Variants in CAMK4 observed in about 807,000 individuals in gnomAD.
CAMK4 encodes calcium/calmodulin-dependent protein kinase type IV.
In CAMK4, 22 loss-of-function variants were observed where a neutral mutation model predicts 44.9. That is an observed-to-expected ratio of 0.49 (90% CI 0.35 to 0.70). CAMK4 has a LOEUF of 0.70. CAMK4 is among the 30% of genes least tolerant of loss of function. The probability of loss-of-function intolerance (pLI) is 0.01; values close to 1 mark genes in which losing one functional copy is unlikely to be tolerated. For missense variants in CAMK4, 498 were observed against 586.8 expected, an observed-to-expected ratio of 0.85 and a Z score of 1.56; for synonymous variants, 218 against 215.4, an observed-to-expected ratio of 1.01 and a Z score of -0.11.
Position 111,385,488 on chromosome 5 carries a change from A to G in CAMK4, c.386+8546A>G, listed in dbSNP as rs114440063. On this transcript the variant is annotated intron_variant, in intron 4 of 10. Transcript: ENST00000282356. ...TAGTCTCAATTTTAAAAGCTGGGCT[A>G]GGTAGAAAGCAAGCAGGGACTAGAT... 6.0e-3 allele frequency among the ~76,000 whole-genome samples: 912 copies of G among 152,220 alleles called. 6 individuals carry two copies. Among genetic ancestry groups the G allele is most frequent in the Non-Finnish European group, 0.01 (695 of 68,002 alleles).
chr5:111,347,384 A>C (rs544045149), intron 2 of CAMK4, among the ~76,000 whole-genome samples: 2 of 152,188 alleles, frequency 1.3e-5, no homozygotes, highest in African/African-American at 4.8e-5. Flanking sequence ...ATAAGGAACC[A>C]AACATCTTGT....
intron 1 of CAMK4, among the ~76,000 whole-genome samples, chr5:111,284,027 T>C (rs1338980993): frequency 5.3e-5 from 8 of 152,216 alleles, no homozygotes; most frequent in Non-Finnish European, 2.9e-5. Flanking sequence ...ATTTTAAATA[T>C]GGTGAAACTT....
chr5:111,415,474 A>G (rs1312068544), intron 5 of CAMK4, among the ~76,000 whole-genome samples: 1 of 152,252 alleles, frequency 6.6e-6, no homozygotes, highest in Non-Finnish European at 1.5e-5. Flanking sequence ...AAAGGTGATC[A>G]TTATTGACTT....
At chr5:111,406,921 A>G (rs765078596) in intron 5 of CAMK4, among the ~76,000 whole-genome samples, 1 of 152,202 alleles carries the variant, frequency 6.6e-6, no homozygotes, top group Non-Finnish European at 1.5e-5. Flanking sequence ...TTGGATTATG[A>G]TCTTTAGAAG....
chr5:111,248,128 G>T (rs1749319620), intron 1 of CAMK4, among the ~76,000 whole-genome samples: 1 of 152,110 alleles, frequency 6.6e-6, no homozygotes, highest in Non-Finnish European at 1.5e-5. Flanking sequence ...TCTGTTGTTT[G>T]TGTTCTTAAA....
At chr5:111,238,808 CTTTT>C (rs57552178) in intron 1 of CAMK4, among the ~76,000 whole-genome samples, 1,919 of 45,818 alleles carry the variant, frequency 0.042, 36 homozygotes, top group Non-Finnish European at 0.061. Context: ...AGAGGCTCTT[CTTTT>C]TTTTTTTTTT....
chr5:111,440,317 TAAACA>T (rs1753780954), intron 5 of CAMK4, among the ~76,000 whole-genome samples: 1 of 152,194 alleles, frequency 6.6e-6, no homozygotes, highest in Non-Finnish European at 1.5e-5. Context: ...GAACTGAGCA[TAAACA>T]AAGTAACAGG....
In CAMK4 at chr5:111,484,012, C is replaced by G; in HGVS notation, c.982-14C>G. On this transcript the variant is annotated splice_polypyrimidine_tract_variant and intron_variant, in intron 10 of 10. Transcript: ENST00000282356. The surrounding 1 kb of genome is among the most constrained non-coding windows in gnomAD (Gnocchi z 5.3). ...AGCAGAGGTAACACTTGACACTCTT[C>G]TGTTTCCAATCAGGCAGCGGTGAAG... is the stretch of plus-strand genomic sequence containing the variant. 1 of 1,546,864 alleles carries G rather than the reference C, an allele frequency of 6.5e-7. No homozygotes were observed. The highest frequency in any genetic ancestry group is 8.7e-7 in the Non-Finnish European group (1 of 1,147,528).
intron 5 of CAMK4, among the ~76,000 whole-genome samples, chr5:111,436,580 C>A (rs1753655018): frequency 6.6e-6 from 1 of 152,202 alleles, no homozygotes; most frequent in South Asian, 2.1e-4. Flanking sequence ...CACACATAAA[C>A]CTCAACTGCA....
chr5:111,387,083 T>G (rs904481587), intron 4 of CAMK4, among the ~76,000 whole-genome samples: 5 of 152,214 alleles, frequency 3.3e-5, no homozygotes, highest in African/African-American at 1.2e-4. Context: ...GCTTCCTTAT[T>G]ATTTTTCAAA....
chr5:111,494,801 C>A lies in CAMK4; in HGVS notation c.*10335C>A, dbSNP rs1580833189. On this transcript the variant is annotated 3_prime_UTR_variant, in exon 11 of 11. Transcript: ENST00000282356. Reference sequence around the variant, plus strand: ...TCAGACAGACATGTCAGAACATGCCCAAAGAAGCCTATATCTTGCTGCTGG... The same window carrying A: ...TCAGACAGACATGTCAGAACATGCCAAAAGAAGCCTATATCTTGCTGCTGG... 1 of 152,012 alleles carries A rather than the reference C, an allele frequency of 6.6e-6. No individual in the cohort carries two copies. Among genetic ancestry groups the A allele is most frequent in the Non-Finnish European group, 1.5e-5 (1 of 68,010 alleles). 9.4% of individuals were successfully genotyped at this position (152,012 alleles called of 1,614,324 possible).
intron 1 of CAMK4, among the ~76,000 whole-genome samples, chr5:111,301,750 C>T (rs1401648391): frequency 6.6e-6 from 1 of 152,180 alleles, no homozygotes; most frequent in Non-Finnish European, 1.5e-5. Flanking sequence ...TTTGACTGGA[C>T]TCCACAACTT....
rs1580695226 is a variant in CAMK4 at position 111,394,582 on chromosome 5, T to C, written c.387-128T>C. On this transcript the variant is annotated intron_variant, in intron 4 of 10. Coordinates refer to ENST00000282356, the MANE Select transcript of CAMK4 (RefSeq NM_001744.6). ...TGTCAGTTTGTGGAAATCTTTCCCA[T>C]GGTAGTATGGTAGCTTGTTTCAATT... The C allele has an allele frequency of 1.2e-5, 7 of 593,172 alleles. No homozygotes were observed. The East Asian group carries it at 1.5e-4, about 12-fold the overall frequency. The allele number at this position is 593,172 out of a possible 1,614,324, so 36.7% of individuals were successfully genotyped here. A position where few individuals can be genotyped will look rare whatever the true frequency, so the allele number is the denominator to read the frequency against.
intron 4 of CAMK4, among the ~76,000 whole-genome samples, chr5:111,380,065 CTT>C (rs1340272322): frequency 2.0e-5 from 3 of 152,124 alleles, no homozygotes; most frequent in African/African-American, 7.2e-5. Flanking sequence ...GGTCTCAACT[CTT>C]AAAACCTCAA....
At chr5:111,384,377 C>G (rs1364714356) in intron 4 of CAMK4, among the ~76,000 whole-genome samples, 1 of 152,154 alleles carries the variant, frequency 6.6e-6, no homozygotes, top group Non-Finnish European at 1.5e-5. Flanking sequence ...TCCTGAGTTC[C>G]TCTTCCCCTC....
At chr5:111,417,759 A>G (rs1445975927) in intron 5 of CAMK4, among the ~76,000 whole-genome samples, 1 of 152,168 alleles carries the variant, frequency 6.6e-6, no homozygotes, top group African/African-American at 2.4e-5. Flanking sequence ...TCCGTGACAA[A>G]TGCTTTTAAA....
intron 1 of CAMK4, among the ~76,000 whole-genome samples, chr5:111,232,710 C>G (rs1436616050): frequency 6.6e-6 from 1 of 151,808 alleles, no homozygotes; most frequent in Non-Finnish European, 1.5e-5. Context: ...GAATTTGCCA[C>G]TACCTATAAT....
chr5:111,394,893 G>A (rs1429052270), intron 5 of CAMK4, 111 bp downstream of exon 5: 4 of 698,822 alleles, frequency 5.7e-6, no homozygotes, highest in Non-Finnish European at 9.8e-6. Flanking sequence ...ACAGCATAAA[G>A]TTGTGAAATA....
intron 1 of CAMK4, among the ~76,000 whole-genome samples, chr5:111,342,424 G>A (rs965753750): frequency 6.6e-6 from 1 of 151,308 alleles, no homozygotes; most frequent in Non-Finnish European, 1.5e-5. Context: ...AGCTGTTCCT[G>A]CTTTCTTATG....
Sources: gnomAD v4.1 joint callset for allele counts (sites outside exome capture counted in the v4.1 genomes callset) on GRCh38, gnomAD v4.1.1 for gene constraint, Gnocchi (gnomAD v3.1) non-coding constraint, MANE v1.5 for transcripts, NCBI Gene and HGNC (gene_info 2026-07-23, HGNC 2026-07-21) for gene names.